Variants in STAG1 observed in about 807,000 individuals in gnomAD.
STAG1 encodes STAG1 cohesin complex component.
STAG1 carries 26 observed loss-of-function variants against 170.9 expected under a neutral mutation model. The observed-to-expected ratio is 0.15, with a 90% CI of 0.11 to 0.21. STAG1 has a LOEUF of 0.21. Among genes scored for constraint, STAG1 ranks in the 10% least tolerant of loss-of-function variants. The probability of loss-of-function intolerance (pLI) is 1.00; values close to 1 mark genes in which losing one functional copy is unlikely to be tolerated. For missense variants in STAG1, 964 were observed against 1,509.5 expected (o/e 0.64, Z 5.99); for synonymous variants, 514 against 497.7 (o/e 1.03, Z -0.44).
chr3:136,535,580 T>C (rs919844160), intron 6 of STAG1, among the ~76,000 whole-genome samples: 3 of 152,188 alleles, frequency 2.0e-5, no homozygotes, highest in African/African-American at 7.2e-5. Context: ...AGAGAATCAC[T>C]TGAACTTGGG....
chr3:136,354,155 A>C (rs1444335058), intron 28 of STAG1, among the ~76,000 whole-genome samples: 1 of 152,224 alleles, frequency 6.6e-6, no homozygotes, highest in African/African-American at 2.4e-5. Context: ...AAGTATAATT[A>C]TAACAATTTA....
chr3:136,453,415 C>A (rs187618092), intron 13 of STAG1, among the ~76,000 whole-genome samples: 94 of 152,008 alleles, frequency 6.2e-4, no homozygotes, highest in African/African-American at 2.2e-3. Context: ...CACAGTGAAA[C>A]CCCATCTCTA....
chr3:136,560,183 G>C lies in STAG1; in HGVS notation c.394+8582C>G, dbSNP rs1262792449. Among the ~76,000 whole-genome samples, 15 of 152,082 alleles carry C rather than the reference G, an allele frequency of 9.9e-5. 1 individual carries two copies. The highest frequency in any genetic ancestry group is 9.8e-4 in the Admixed American group (15 of 15,268). ...TGAGGCATCCGGAACTTCTCTGTTAGGCACAAACAGAGCAAAATAGAAACA... is the reference window on the plus strand; with the variant it reads ...TGAGGCATCCGGAACTTCTCTGTTACGCACAAACAGAGCAAAATAGAAACA... On this transcript the variant is annotated intron_variant, in intron 5 of 33. Transcript: ENST00000383202.
chr3:136,681,832 T>C (rs1942346514), intron 1 of STAG1, among the ~76,000 whole-genome samples: 1 of 152,174 alleles, frequency 6.6e-6, no homozygotes, highest in African/African-American at 2.4e-5. Context: ...AAGCCTTGCA[T>C]GATAAAAACA....
chr3:136,487,875 G>A (rs1222320742), intron 9 of STAG1, among the ~76,000 whole-genome samples: 2 of 152,186 alleles, frequency 1.3e-5, no homozygotes, highest in East Asian at 3.8e-4. Flanking sequence ...CACTCTCTGG[G>A]GAAAGCCACC....
chr3:136,594,341 T>C lies in STAG1; in HGVS notation c.297+9968A>G, dbSNP rs149064025. Among the ~76,000 whole-genome samples, 26 of 152,310 alleles carry C rather than the reference T, an allele frequency of 1.7e-4. No individual in the cohort carries two copies. In the East Asian group the frequency reaches 4.8e-3, roughly 28 times the overall value. On this transcript the variant is annotated intron_variant, in intron 4 of 33. Transcript: ENST00000383202. ...AAACCAATGTCACTATAAAAGTCCA[T>C]ACTTTTCTTTGACACTAAAACAAAG...
chr3:136,747,190 T>C (rs1003580188), intron 1 of STAG1, among the ~76,000 whole-genome samples: 3 of 149,068 alleles, frequency 2.0e-5, no homozygotes, highest in African/African-American at 7.5e-5. Context: ...GGAGAATCAC[T>C]TGAACCTGGG....
At chr3:136,389,195 C>T (rs2086944674) in intron 22 of STAG1, among the ~76,000 whole-genome samples, 1 of 152,188 alleles carries the variant, frequency 6.6e-6, no homozygotes, top group Non-Finnish European at 1.5e-5. Flanking sequence ...TATTAAATGT[C>T]TTAAGAAGTT....
At chr3:136,618,765 A>G (rs552644195) in intron 3 of STAG1, among the ~76,000 whole-genome samples, 1 of 140,260 alleles carries the variant, frequency 7.1e-6, no homozygotes, top group Admixed American at 7.9e-5. Context: ...AGATGTATAG[A>G]TATCATTCTT....
intron 1 of STAG1, among the ~76,000 whole-genome samples, chr3:136,722,422 T>C (rs1026694586): frequency 6.6e-6 from 1 of 152,096 alleles, no homozygotes; most frequent in Non-Finnish European, 1.5e-5. Context: ...AATAAAATAA[T>C]AATTAAATTC....
chr3:136,702,115 G>GAGAGAGACAGAGAGAC (rs1213400411), intron 1 of STAG1, among the ~76,000 whole-genome samples: 8 of 66,402 alleles, frequency 1.2e-4, no homozygotes, highest in South Asian at 1.1e-3. Context: ...GAGAGAGAGA[G>GAGAGAGACAGAGAGAC]AGAGAGACAG....
intron 23 of STAG1, among the ~76,000 whole-genome samples, chr3:136,370,261 C>T (rs903108857): frequency 1.3e-5 from 2 of 152,088 alleles, no homozygotes; most frequent in African/African-American, 2.4e-5. Flanking sequence ...CCACTGAAGA[C>T]GTTCCAATGA....
At chr3:136,682,508 C>A (rs568614097) in intron 1 of STAG1, among the ~76,000 whole-genome samples, 2 of 149,620 alleles carry the variant, frequency 1.3e-5, no homozygotes, top group Non-Finnish European at 3.0e-5. Flanking sequence ...ATATGTCACA[C>A]GAAAAAAACA....
intron 21 of STAG1, among the ~76,000 whole-genome samples, chr3:136,401,865 C>A (rs1021609820): frequency 1.3e-5 from 2 of 152,136 alleles, no homozygotes; most frequent in Non-Finnish European, 2.9e-5. Flanking sequence ...CTGCCTCAGC[C>A]TCCTGAGCAG....
intron 6 of STAG1, among the ~76,000 whole-genome samples, chr3:136,535,688 A>G (rs1340134472): frequency 6.6e-6 from 1 of 152,194 alleles, no homozygotes; most frequent in Non-Finnish European, 1.5e-5. Context: ...GTAAACAAAC[A>G]AAACAAAAGC....
chr3:136,418,608 T>G (rs2087851374), intron 20 of STAG1, among the ~76,000 whole-genome samples: 1 of 151,814 alleles, frequency 6.6e-6, no homozygotes, highest in Non-Finnish European at 1.5e-5. Context: ...TTCTATTCCA[T>G]ATATGGATAA....
At chr3:136,505,378 C>A (rs1220189399) in intron 7 of STAG1, among the ~76,000 whole-genome samples, 1 of 152,006 alleles carries the variant, frequency 6.6e-6, no homozygotes, top group African/African-American at 2.4e-5. Flanking sequence ...TGGGTGCTGA[C>A]CACAACAAGT....
At chr3:136,726,643 C>CA (rs1933704973) in intron 1 of STAG1, among the ~76,000 whole-genome samples, 1 of 152,160 alleles carries the variant, frequency 6.6e-6, no homozygotes, top group African/African-American at 2.4e-5. Flanking sequence ...AGGCTGGTCT[C>CA]AAAGTCCTGG....
At chr3:136,461,314 A>G (rs1576488681) in intron 13 of STAG1, among the ~76,000 whole-genome samples, 1 of 152,318 alleles carries the variant, frequency 6.6e-6, no homozygotes, top group Non-Finnish European at 1.5e-5. Flanking sequence ...CATAGTACTA[A>G]AAGTCCTAGT....
Sources: gnomAD v4.1 joint callset for allele counts (sites outside exome capture counted in the v4.1 genomes callset) on GRCh38, gnomAD v4.1.1 for gene constraint, MANE v1.5 for transcripts, NCBI Gene and HGNC (gene_info 2026-07-23, HGNC 2026-07-21) for gene names.